The following HIF1A variants were observed in gnomAD, a reference collection of about 807,000 sequenced individuals.
HIF1A encodes hypoxia-inducible factor 1-alpha.
HIF1A carries 24 observed loss-of-function variants against 92.7 expected under a neutral mutation model. The ratio of observed to expected loss-of-function variants is 0.26; its 90% CI spans 0.19 to 0.36. The LOEUF (loss-of-function observed/expected upper bound fraction) is 0.36. Ranked by LOEUF, HIF1A falls within the 10% of genes least tolerant of loss-of-function variation. The probability of loss-of-function intolerance (pLI) is 1.00; values close to 1 mark genes in which losing one functional copy is unlikely to be tolerated. For synonymous variants in HIF1A, 319 were observed against 338.7 expected (o/e 0.94, Z 0.64); for missense variants, 799 against 998.5 (o/e 0.80, Z 2.69).
chr14:61,722,392 T>G (rs2044443923), intron 4 of HIF1A, among the ~76,000 whole-genome samples: 1 of 146,972 alleles, frequency 6.8e-6, no homozygotes, highest in Admixed American at 6.7e-5. Flanking sequence ...CCAGGCTACC[T>G]TTTTTTTCCT....
At chr14:61,722,422 A>AG (rs774337674) in intron 4 of HIF1A, among the ~76,000 whole-genome samples, 2 of 151,984 alleles carry the variant, frequency 1.3e-5, no homozygotes, top group African/African-American at 2.4e-5. Flanking sequence ...AAATTGTGAT[A>AG]GGGGTTCTTG....
chr14:61,729,738 T>C (rs1237889517), intron 6 of HIF1A, among the ~76,000 whole-genome samples: 3 of 152,008 alleles, frequency 2.0e-5, no homozygotes, highest in Admixed American at 6.6e-5. Flanking sequence ...GAAAGGAAGG[T>C]AGTGGAGCAA....
intron 1 of HIF1A, 47 bp downstream of exon 1, chr14:61,695,886 C>T: frequency 6.5e-7 from 1 of 1,529,180 alleles, no homozygotes; most frequent in South Asian, 1.2e-5. Context: ...GGCGACCCCG[C>T]CCGCCTGCCC....
intron 1 of HIF1A, among the ~76,000 whole-genome samples, chr14:61,704,668 T>A (rs546949827): frequency 6.6e-6 from 1 of 152,226 alleles, no homozygotes; most frequent in Non-Finnish European, 1.5e-5. Flanking sequence ...AGGGATATTT[T>A]CTTGAATAAT....
intron 1 of HIF1A, among the ~76,000 whole-genome samples, chr14:61,706,656 A>T (rs993207586): frequency 6.6e-6 from 1 of 152,192 alleles, no homozygotes; most frequent in African/African-American, 2.4e-5. Flanking sequence ...TTCTGTGGTT[A>T]AATCACCTGA....
At chr14:61,741,364 CT>C (rs34138408) in intron 12 of HIF1A, among the ~76,000 whole-genome samples, 176 bp downstream of exon 12, 37 of 137,010 alleles carry the variant, frequency 2.7e-4, no homozygotes, top group East Asian at 4.2e-4. Context: ...CTTTTTCTTT[CT>C]TTTTTTTTTT....
At chr14:61,706,354 G>A (rs1483170170) in intron 1 of HIF1A, among the ~76,000 whole-genome samples, 1 of 152,110 alleles carries the variant, frequency 6.6e-6, no homozygotes, top group Admixed American at 6.5e-5. Flanking sequence ...TCTTCCTTAG[G>A]TCATCTTTGA....
chr14:61,696,929 G>C (rs149779538), intron 1 of HIF1A, among the ~76,000 whole-genome samples: 4 of 152,302 alleles, frequency 2.6e-5, no homozygotes, highest in African/African-American at 9.6e-5. Context: ...ATTAAGAATT[G>C]TGAGTTGGAC....
intron 4 of HIF1A, among the ~76,000 whole-genome samples, chr14:61,724,471 A>G (rs902006884): frequency 3.3e-5 from 5 of 151,000 alleles, no homozygotes; most frequent in African/African-American, 1.2e-4. Flanking sequence ...AGGGAGGGCA[A>G]ATTCACTTCT....
Position 61,744,860 on chromosome 14 carries a change from CGTGTGTGTGTGT to C in HIF1A, c.2202+70_2202+81del, listed in dbSNP as rs60361955. On this transcript the variant is annotated intron_variant, in intron 13 of 14. Transcript: ENST00000337138. The stretch of plus-strand genomic sequence containing the variant: ...TGCTTTTCTAGCTAATGTGCTATTT[CGTGTGTGTGTGT>C]GTGTGTGTGTGTGTGTGTGTGTTTC... The C allele has an allele frequency of 1.5e-3, 772 of 531,688 alleles. 1 individual carries two copies. The highest frequency in any genetic ancestry group is 2.5e-3 in the South Asian group (87 of 34,352). The allele number at this position is 531,688 out of a possible 1,614,324, so 32.9% of individuals were successfully genotyped here.
intron 6 of HIF1A, among the ~76,000 whole-genome samples, chr14:61,728,877 G>C (rs1333743150): frequency 6.6e-6 from 1 of 151,994 alleles, no homozygotes; most frequent in African/African-American, 2.4e-5. Flanking sequence ...TGCCTCAAAT[G>C]CTTCCCTCCA....
chr14:61,713,772 T>C (rs1237293988), intron 1 of HIF1A, among the ~76,000 whole-genome samples: 2 of 152,198 alleles, frequency 1.3e-5, no homozygotes, highest in South Asian at 2.1e-4. Context: ...ATCCCAACTT[T>C]TGAAGCCTGT....
At chr14:61,702,583 G>A (rs1311441552) in intron 1 of HIF1A, among the ~76,000 whole-genome samples, 1 of 151,984 alleles carries the variant, frequency 6.6e-6, no homozygotes, top group Non-Finnish European at 1.5e-5. Context: ...TTATAGTAAG[G>A]TTGGGGTTTA....
intron 6 of HIF1A, among the ~76,000 whole-genome samples, chr14:61,731,640 T>C (rs1387920085): frequency 6.6e-6 from 1 of 152,204 alleles, no homozygotes; most frequent in East Asian, 1.9e-4. Context: ...TCTCTCAAAG[T>C]GAGGTGTTGC....
At chr14:61,734,043 C>T in intron 7 of HIF1A, 95 bp from the exon 8 acceptor site, 1 of 842,262 alleles carries the variant, frequency 1.2e-6, no homozygotes, top group Non-Finnish European at 1.7e-6. Context: ...ATTTGTTTTC[C>T]AAAACAATGA....
At chr14:61,708,915 G>T (rs1224359778) in intron 1 of HIF1A, among the ~76,000 whole-genome samples, 29 of 151,280 alleles carry the variant, frequency 1.9e-4, no homozygotes, top group African/African-American at 6.5e-4. Context: ...TCTTTTTTTT[G>T]AAATGGAGTT....
At chr14:61,712,315 T>C (rs1300235958) in intron 1 of HIF1A, among the ~76,000 whole-genome samples, 1 of 151,938 alleles carries the variant, frequency 6.6e-6, no homozygotes, top group African/African-American at 2.4e-5. Context: ...GAGGCTAGTA[T>C]GGTTAGAACA....
Position 61,695,829 on chromosome 14 carries a change from G to A in HIF1A, c.25G>A (p.Asp9Asn), listed in dbSNP as rs752063685. The A allele has an allele frequency of 1.3e-6, 2 of 1,592,860 alleles. No individual in the cohort carries two copies. The highest frequency in any genetic ancestry group is 2.3e-5 in the South Asian group (2 of 87,458). The stretch of plus-strand genomic sequence containing the variant: ...CATGGAGGGCGCCGGCGGCGCGAAC[G>A]ACAAGAAAAAGTAAGCCCATTCCCT... Reference protein sequence around the residue: MEGAGGANDKKKISSERRK... With the variant: MEGAGGANNKKKISSERRK... The change falls in exon 1 of 15, where the codon GAC (aspartate) becomes AAC (asparagine). Residue 9 changes from aspartate (D) to asparagine (N), a missense_variant. Physicochemically the swap from Asp to Asn is conservative, Grantham distance 23 (BLOSUM62 1). Around this residue, in one of 2 missense-constraint regions of HIF1A, gnomAD observed 516 missense variants for 721.0 expected, o/e 0.72. Coordinates refer to ENST00000337138, the MANE Select transcript of HIF1A (RefSeq NM_001530.4).
intron 4 of HIF1A, among the ~76,000 whole-genome samples, chr14:61,724,381 C>CTCTCTCTCTCTCTCT (rs71117849): frequency 6.9e-6 from 1 of 145,202 alleles, no homozygotes; most frequent in Non-Finnish European, 1.5e-5. Flanking sequence ...CTCTCTCTCT[C>CTCTCTCTCTCTCTCT]CCCCTCCCTC....
Sources: allele counts gnomAD v4.1 joint callset (sites outside exome capture counted in the v4.1 genomes callset), GRCh38; gene constraint gnomAD v4.1.1; regional missense constraint gnomAD v4.1.1; transcripts MANE v1.5; gene names NCBI Gene and HGNC (gene_info 2026-07-23, HGNC 2026-07-21).